Variants in PCDHA1 observed in about 807,000 individuals in gnomAD.
The protein encoded by PCDHA1 is protocadherin alpha 1.
A neutral mutation model predicts 61.3 loss-of-function variants in PCDHA1; 42 were observed. The ratio of observed to expected loss-of-function variants is 0.69; its 90% confidence interval spans 0.54 to 0.89. The LOEUF is 0.89. Ranked by LOEUF, PCDHA1 falls within the 40% of genes least tolerant of loss-of-function variation. The pLI is 0.00. For missense variants in PCDHA1, 1,256 were observed against 1,235.3 expected, an observed-to-expected ratio of 1.02 and a Z score of -0.25; for synonymous variants, 610 against 553.8, an observed-to-expected ratio of 1.10 and a Z score of -1.43.
chr5:140,882,133 G>A, intron 1 of PCDHA1: 1 of 1,483,612 alleles, frequency 6.7e-7, no homozygotes, highest in Non-Finnish European at 9.0e-7. Flanking sequence ...TCTTCCTGCA[G>A]AAAATATAGC....
At chr5:140,835,237 T>G (rs1271413656) in intron 1 of PCDHA1, 2 of 1,599,540 alleles carry the variant, frequency 1.3e-6, no homozygotes, top group Non-Finnish European at 1.7e-6. Context: ...TCCAGTGATG[T>G]TTCTCCAGAT....
intron 1 of PCDHA1, chr5:140,812,071 G>A (rs181584073): frequency 6.0e-4 from 90 of 149,810 alleles, no homozygotes; most frequent in African/African-American, 1.9e-3. Flanking sequence ...TTTTGGAAGA[G>A]TTTGAAAACA....
chr5:140,833,591 A>G (rs1562331795), intron 1 of PCDHA1, among the ~76,000 whole-genome samples: 1 of 152,352 alleles, frequency 6.6e-6, no homozygotes, highest in East Asian at 1.9e-4. Context: ...AACAGTATAT[A>G]TAGATTCTGC....
chr5:140,815,739 C>G (rs1177563989), intron 1 of PCDHA1: 1 of 152,090 alleles, frequency 6.6e-6, no homozygotes, highest in African/African-American at 2.4e-5. Context: ...TCAAAAGGCC[C>G]CCTCTTAACA....
At chr5:140,975,213 G>A (rs1205237242) in intron 1 of PCDHA1, among the ~76,000 whole-genome samples, 2 of 152,178 alleles carry the variant, frequency 1.3e-5, no homozygotes, top group African/African-American at 4.8e-5. Context: ...GGCTGGCACT[G>A]GAGAATCTTC....
chr5:140,973,574 C>T (rs1485415780), intron 1 of PCDHA1, among the ~76,000 whole-genome samples: 1 of 152,218 alleles, frequency 6.6e-6, no homozygotes, highest in African/African-American at 2.4e-5. Flanking sequence ...AATTTTTCTA[C>T]AGACTGCTGA....
Position 141,007,689 on chromosome 5 carries a change from A to G in PCDHA1, c.2543-1938A>G, listed in dbSNP as rs545850175. Among the ~76,000 whole-genome samples the G allele has an allele frequency of 3.5e-4, 53 of 152,196 alleles. 1 individual carries two copies. Among genetic ancestry groups the G allele is most frequent in the African/African-American group, 1.3e-3 (52 of 41,536 alleles). On this transcript the variant is annotated intron_variant, in intron 3 of 3. Coordinates refer to ENST00000504120, the MANE Select transcript of PCDHA1 (RefSeq NM_018900.4). ...CAAAGACAAAAGTTATCCTACTTCC[A>G]CCTCCCTCCTCTGCCTCCCACCACC...
intron 1 of PCDHA1, chr5:140,823,600 G>A: frequency 6.2e-6 from 10 of 1,614,032 alleles, no homozygotes; most frequent in Non-Finnish European, 8.5e-6. Flanking sequence ...GCTTTCGTAT[G>A]AGCTGCAGCC....
intron 1 of PCDHA1, chr5:140,828,757 C>A: frequency 6.2e-7 from 1 of 1,614,234 alleles, no homozygotes; most frequent in Non-Finnish European, 8.5e-7. Flanking sequence ...AACCTGAGCT[C>A]ACAGGCACTG....
intron 1 of PCDHA1, chr5:140,801,280 G>T: frequency 6.2e-7 from 1 of 1,613,574 alleles, no homozygotes; most frequent in Non-Finnish European, 8.5e-7. Context: ...GAGGTGGGGA[G>T]CGGCCAGCTC....
At chr5:140,795,353 C>A (rs1554119389) in intron 1 of PCDHA1, 6 of 1,614,002 alleles carry the variant, frequency 3.7e-6, no homozygotes, top group Non-Finnish European at 5.1e-6. Context: ...AACGACAACC[C>A]GCCAATATTT....
At chr5:140,960,065 C>G (rs953730101) in intron 1 of PCDHA1, among the ~76,000 whole-genome samples, 1 of 152,120 alleles carries the variant, frequency 6.6e-6, no homozygotes, top group Non-Finnish European at 1.5e-5. Flanking sequence ...ACAGAAGATT[C>G]AATTGAAGTT....
chr5:140,930,824 T>C (rs545304113), intron 1 of PCDHA1, among the ~76,000 whole-genome samples: 16 of 152,342 alleles, frequency 1.1e-4, no homozygotes, highest in African/African-American at 3.8e-4. Context: ...TAGTAAATGC[T>C]GACTGAATGA....
At chr5:140,849,902 G>A (rs1297576408) in intron 1 of PCDHA1, 3 of 1,598,418 alleles carry the variant, frequency 1.9e-6, no homozygotes, top group Non-Finnish European at 2.6e-6. Context: ...AGAACAACCC[G>A]CCGGGCTGCC....
chr5:140,789,517 T>C (rs1399220604), intron 1 of PCDHA1, among the ~76,000 whole-genome samples: 1 of 151,944 alleles, frequency 6.6e-6, no homozygotes, highest in Non-Finnish European at 1.5e-5. Flanking sequence ...TATTGGGCGA[T>C]TTGTTTAATT....
At chr5:140,999,836 A>G (rs1554257003) in intron 3 of PCDHA1, among the ~76,000 whole-genome samples, 1 of 152,210 alleles carries the variant, frequency 6.6e-6, no homozygotes, top group African/African-American at 2.4e-5. Flanking sequence ...AAAATATGCC[A>G]AGTGTATTTA....
chr5:140,808,466 G>A, intron 1 of PCDHA1: 1 of 1,614,182 alleles, frequency 6.2e-7, no homozygotes. Context: ...GGTGGTGACC[G>A]CGCGAGACGG....
intron 1 of PCDHA1, chr5:140,842,822 G>A (rs2150345251): frequency 1.9e-6 from 3 of 1,593,810 alleles, no homozygotes; most frequent in South Asian, 2.2e-5. Context: ...GCGGGTGGGC[G>A]AGCGCTCGCT....
rs2098422397 is a variant in PCDHA1 at position 141,011,934 on chromosome 5, T to C, written c.*1997T>C. The C allele has an allele frequency of 6.5e-6, 1 of 153,836 alleles. No homozygotes were observed. The highest frequency in any genetic ancestry group is 6.5e-5 in the Admixed American group (1 of 15,306). The allele number at this position is 153,836 out of a possible 1,614,324, so 9.5% of individuals were successfully genotyped here. On this transcript the variant is annotated 3_prime_UTR_variant, in exon 4 of 4. Transcript: ENST00000504120. ...TAATATAAAAGAGGTAGGAGTCTGT[T>C]ATTTAAAAAAAGCATTAAATTTAAA...
Sources: gnomAD v4.1 joint callset for allele counts (sites outside exome capture counted in the v4.1 genomes callset) on GRCh38, gnomAD v4.1.1 for gene constraint, MANE v1.5 for transcripts, NCBI Gene and HGNC (gene_info 2026-07-23, HGNC 2026-07-21) for gene names.